The following SKAP2 variants were observed in gnomAD, a reference collection of about 807,000 sequenced individuals.
SKAP2 encodes src kinase-associated phosphoprotein 2.
SKAP2 carries 28 observed loss-of-function variants against 54.9 expected under a neutral mutation model. The observed-to-expected ratio is 0.51, with a 90% confidence interval of 0.38 to 0.70. The LOEUF (loss-of-function observed/expected upper bound fraction) is 0.70. Among genes scored for constraint, SKAP2 ranks in the 30% least tolerant of loss-of-function variants. The pLI, the probability that SKAP2 is intolerant of heterozygous loss-of-function variation, is 0.00. For synonymous variants in SKAP2, 137 were observed against 134.3 expected (o/e 1.02, Z -0.14); for missense variants, 356 against 424.1 (o/e 0.84, Z 1.41).
chr7:26,846,852 G>C (rs746375964), intron 3 of SKAP2, among the ~76,000 whole-genome samples: 2 of 152,014 alleles, frequency 1.3e-5, no homozygotes, highest in African/African-American at 2.4e-5. Context: ...ATGATGGCAG[G>C]CACCTGTAAT....
At chr7:26,700,380 C>T (rs1786995261) in intron 9 of SKAP2, among the ~76,000 whole-genome samples, 1 of 152,108 alleles carries the variant, frequency 6.6e-6, no homozygotes, top group Non-Finnish European at 1.5e-5. Context: ...TTCTGGAGTC[C>T]TCTTTATAGC....
chr7:26,725,066 T>TAA (rs1475692390), intron 9 of SKAP2, among the ~76,000 whole-genome samples: 1 of 151,948 alleles, frequency 6.6e-6, no homozygotes, highest in Admixed American at 6.6e-5. Context: ...CCAAGATGTA[T>TAA]AAATAAAAAA....
At chr7:26,737,251 A>T (rs1286217255) in intron 6 of SKAP2, among the ~76,000 whole-genome samples, 1 of 152,180 alleles carries the variant, frequency 6.6e-6, no homozygotes, top group Non-Finnish European at 1.5e-5. Context: ...TATTTCTATG[A>T]TCTGTGATAA....
intron 4 of SKAP2, among the ~76,000 whole-genome samples, chr7:26,807,640 T>C (rs950224470): frequency 6.6e-6 from 1 of 152,248 alleles, no homozygotes; most frequent in Non-Finnish European, 1.5e-5. Flanking sequence ...AAGGGAGTTC[T>C]ACTTTGGGTA....
At chr7:26,788,220 G>A (rs1783598663) in intron 4 of SKAP2, among the ~76,000 whole-genome samples, 1 of 152,124 alleles carries the variant, frequency 6.6e-6, no homozygotes, top group South Asian at 2.1e-4. Flanking sequence ...AGCTGACTGC[G>A]ATCATTTCAT....
At chr7:26,739,610 G>T (rs1345007452) in intron 5 of SKAP2, among the ~76,000 whole-genome samples, 1 of 152,182 alleles carries the variant, frequency 6.6e-6, no homozygotes, top group East Asian at 1.9e-4. Context: ...TACAGTCATG[G>T]CCTGCAGCTT....
chr7:26,786,543 G>C (rs1369739174), intron 4 of SKAP2, among the ~76,000 whole-genome samples: 2 of 152,194 alleles, frequency 1.3e-5, no homozygotes, highest in African/African-American at 4.8e-5. Flanking sequence ...TCAAGATGGG[G>C]GAAGGTGGGA....
At chr7:26,776,137 C>T (rs1481935631) in intron 4 of SKAP2, among the ~76,000 whole-genome samples, 2 of 152,132 alleles carry the variant, frequency 1.3e-5, no homozygotes, top group Non-Finnish European at 2.9e-5. Context: ...GGCTTCTAGT[C>T]AAACCATTCT....
chr7:26,841,904 G>A (rs542795596), intron 4 of SKAP2, among the ~76,000 whole-genome samples: 1 of 152,010 alleles, frequency 6.6e-6, no homozygotes, highest in Non-Finnish European at 1.5e-5. Flanking sequence ...GGTGACCTGT[G>A]CTAATTCGGT....
chr7:26,792,174 C>T (rs574512905), intron 4 of SKAP2, among the ~76,000 whole-genome samples: 2 of 152,186 alleles, frequency 1.3e-5, no homozygotes, highest in South Asian at 4.1e-4. Flanking sequence ...TAAGTGGTTG[C>T]CAGGGGCTGG....
intron 4 of SKAP2, among the ~76,000 whole-genome samples, chr7:26,842,186 T>C (rs1018414610): frequency 1.3e-5 from 2 of 151,736 alleles, no homozygotes; most frequent in Non-Finnish European, 3.0e-5. Context: ...TGAGTAATAC[T>C]ACAGGTAAAA....
intron 6 of SKAP2, among the ~76,000 whole-genome samples, chr7:26,732,495 G>C (rs975406836): frequency 1.3e-5 from 2 of 152,120 alleles, no homozygotes; most frequent in African/African-American, 4.8e-5. Context: ...CTTATACCAA[G>C]AACACTAACT....
At chr7:26,671,402 A>G (rs1786234209) in intron 11 of SKAP2, among the ~76,000 whole-genome samples, 1 of 152,092 alleles carries the variant, frequency 6.6e-6, no homozygotes. Flanking sequence ...GTACAGACTT[A>G]ATATTTGTAT....
chr7:26,685,763 C>T (rs1786623504), intron 10 of SKAP2, among the ~76,000 whole-genome samples: 1 of 152,158 alleles, frequency 6.6e-6, no homozygotes, highest in Admixed American at 6.6e-5. Flanking sequence ...CAGCTAAACA[C>T]ACTAGACGCT....
intron 6 of SKAP2, among the ~76,000 whole-genome samples, chr7:26,729,433 C>G (rs560947626): frequency 2.2e-4 from 34 of 152,062 alleles, no homozygotes; most frequent in Non-Finnish European, 4.3e-4. Context: ...AAACTTTAGC[C>G]AACTGCTTTG....
downstream of SKAP2, among the ~76,000 whole-genome samples, chr7:26,662,426 G>C (rs1254080759): frequency 6.6e-6 from 1 of 152,006 alleles, no homozygotes; most frequent in African/African-American, 2.4e-5. Flanking sequence ...TTATGTCTTA[G>C]GACACTGCTA....
At chr7:26,792,987 G>C (rs1281596626) in intron 4 of SKAP2, among the ~76,000 whole-genome samples, 1 of 152,084 alleles carries the variant, frequency 6.6e-6, no homozygotes, top group African/African-American at 2.4e-5. Context: ...AAAGCTCTCA[G>C]GAAGTTTTCT....
chr7:26,857,812 T>C, intron 1 of SKAP2: 1 of 850,370 alleles, frequency 1.2e-6, no homozygotes, highest in African/African-American at 1.8e-5. Flanking sequence ...AGTGTTCCTC[T>C]GGCTGGTTGG....
chr7:26,808,719 C>T (rs1365051718), intron 4 of SKAP2, among the ~76,000 whole-genome samples: 3 of 152,136 alleles, frequency 2.0e-5, no homozygotes, highest in African/African-American at 4.8e-5. Flanking sequence ...ACTTACTAGG[C>T]ATGTAACCTA....
Sources: gnomAD v4.1 joint callset for allele counts (sites outside exome capture counted in the v4.1 genomes callset) on GRCh38, gnomAD v4.1.1 for gene constraint, MANE v1.5 for transcripts, NCBI Gene and HGNC (gene_info 2026-07-23, HGNC 2026-07-21) for gene names.